Variants in PTPRD observed in about 807,000 individuals in gnomAD.
The protein encoded by PTPRD is protein tyrosine phosphatase receptor type D, also known as receptor-type tyrosine-protein phosphatase delta.
PTPRD carries 34 observed loss-of-function variants against 214.5 expected under a neutral mutation model. That is an observed-to-expected ratio of 0.16 (90% CI 0.12 to 0.21). PTPRD has a LOEUF of 0.21. Ranked by LOEUF, PTPRD falls within the 10% of genes least tolerant of loss-of-function variation. The probability of loss-of-function intolerance (pLI) is 1.00; values close to 1 mark genes in which losing one functional copy is unlikely to be tolerated. For missense variants in PTPRD, 2,545 were observed against 2,398.7 expected (o/e 1.06, Z -1.27); for synonymous variants, 1,128 against 845.7 (o/e 1.33, Z -5.79).
chr9:10,105,367 A>G (rs1334569350), intron 3 of PTPRD, among the ~76,000 whole-genome samples: 1 of 151,836 alleles, frequency 6.6e-6, no homozygotes, highest in African/African-American at 2.4e-5. Flanking sequence ...CTGCAACATA[A>G]TTTTTAATAA....
At chr9:9,090,902 C>G (rs1358016129) in intron 10 of PTPRD, 10 of 1,401,568 alleles carry the variant, frequency 7.1e-6, no homozygotes, top group Non-Finnish European at 1.0e-5. Flanking sequence ...TCCAAGATGA[C>G]AAAGAAAAGA....
rs553893067 is a variant in PTPRD, at chr9:9,533,904, C to T, written c.-237+40828G>A. 2.1e-4 allele frequency among the ~76,000 whole-genome samples: 32 copies of T among 152,080 alleles called. 1 individual carries two copies. The highest frequency in any genetic ancestry group is 7.0e-4 in the African/African-American group (29 of 41,516). On this transcript the variant is annotated intron_variant, in intron 8 of 45. Coordinates refer to ENST00000381196, the MANE Select transcript of PTPRD (RefSeq NM_002839.4). ...TTAAAATATACTTTTCCATATTTATCTCCTTTTTACTGTATCCTTACTTAA... is the reference window on the plus strand; with the variant it reads ...TTAAAATATACTTTTCCATATTTATTTCCTTTTTACTGTATCCTTACTTAA...
At chr9:9,394,121 T>G (rs10977717) in intron 9 of PTPRD, among the ~76,000 whole-genome samples, 41,871 of 152,060 alleles carry the variant, frequency 0.28, 5,925 homozygotes, top group African/African-American at 0.32. Flanking sequence ...GTAATAAAAA[T>G]AAGTTATTTA....
chr9:9,187,005 T>C (rs2099932052), intron 9 of PTPRD, among the ~76,000 whole-genome samples: 1 of 151,486 alleles, frequency 6.6e-6, no homozygotes, highest in Admixed American at 6.6e-5. Flanking sequence ...TAAAATATAA[T>C]AATTAAAACA....
intron 41 of PTPRD, 126 bp downstream of exon 41, chr9:8,340,964 G>T (rs1449615262): frequency 1.1e-6 from 1 of 931,468 alleles, no homozygotes; most frequent in Non-Finnish European, 1.6e-6. Context: ...AAATACCAAG[G>T]GACTAAATGA....
At chr9:10,061,712 C>A (rs417403) in intron 3 of PTPRD, among the ~76,000 whole-genome samples, 25,102 of 152,016 alleles carry the variant, frequency 0.17, 4,644 homozygotes, top group African/African-American at 0.46. Context: ...AAGAAACATT[C>A]TTTTTCACAG....
chr9:9,414,463 G>A (rs948558525), intron 8 of PTPRD, among the ~76,000 whole-genome samples: 2 of 152,170 alleles, frequency 1.3e-5, no homozygotes, highest in East Asian at 1.9e-4. Flanking sequence ...TACATTTAGG[G>A]AAGGACGGCC....
At chr9:10,297,363 T>C (rs570244125) in intron 3 of PTPRD, among the ~76,000 whole-genome samples, 1 of 152,084 alleles carries the variant, frequency 6.6e-6, no homozygotes, top group African/African-American at 2.4e-5. Flanking sequence ...TGTATATCCC[T>C]TTGCACACCA....
intron 3 of PTPRD, among the ~76,000 whole-genome samples, chr9:10,235,358 A>G (rs1818873979): frequency 6.6e-6 from 1 of 151,962 alleles, no homozygotes; most frequent in Non-Finnish European, 1.5e-5. Flanking sequence ...CTTAAAAACA[A>G]TCATCACTGT....
intron 19 of PTPRD, among the ~76,000 whole-genome samples, chr9:8,522,474 C>T (rs998914923): frequency 1.3e-5 from 2 of 152,112 alleles, no homozygotes; most frequent in African/African-American, 4.8e-5. Context: ...GGATTCCATT[C>T]AATTCATATC....
chr9:10,325,201 G>C (rs1304092932), intron 3 of PTPRD, among the ~76,000 whole-genome samples: 3 of 151,970 alleles, frequency 2.0e-5, no homozygotes, highest in African/African-American at 4.8e-5. Flanking sequence ...GTTTCAGTAA[G>C]TGTGAGGTGG....
intron 9 of PTPRD, among the ~76,000 whole-genome samples, chr9:9,202,915 T>G (rs1474510126): frequency 6.6e-6 from 1 of 152,186 alleles, no homozygotes; most frequent in East Asian, 1.9e-4. Flanking sequence ...TCTTTAGACA[T>G]GTTCTCTTCC....
At chr9:10,189,970 T>C (rs755730542) in intron 3 of PTPRD, among the ~76,000 whole-genome samples, 4 of 151,418 alleles carry the variant, frequency 2.6e-5, no homozygotes, top group African/African-American at 4.9e-5. Context: ...GATCAGAAAA[T>C]GGAGGTAAGA....
intron 2 of PTPRD, among the ~76,000 whole-genome samples, chr9:10,485,435 G>A (rs2099126359): frequency 6.6e-6 from 1 of 152,026 alleles, no homozygotes; most frequent in South Asian, 2.1e-4. Context: ...CATTGAATCT[G>A]CAGATTACTA....
At chr9:9,174,493 T>C (rs1424808461) in intron 10 of PTPRD, among the ~76,000 whole-genome samples, 1 of 152,178 alleles carries the variant, frequency 6.6e-6, no homozygotes, top group Non-Finnish European at 1.5e-5. Context: ...AATGTGTGCA[T>C]TTATCTGCCT....
chr9:9,370,866 T>A (rs1281510433), intron 9 of PTPRD, among the ~76,000 whole-genome samples: 2 of 152,154 alleles, frequency 1.3e-5, no homozygotes, highest in Admixed American at 6.5e-5. Flanking sequence ...TCTATTGAGA[T>A]AATCATGTGG....
intron 9 of PTPRD, among the ~76,000 whole-genome samples, chr9:9,376,481 G>A (rs2140101239): frequency 6.6e-6 from 1 of 152,192 alleles, no homozygotes; most frequent in South Asian, 2.1e-4. Flanking sequence ...TTAGGACTAG[G>A]AATTAAATTT....
intron 3 of PTPRD, among the ~76,000 whole-genome samples, chr9:10,279,598 T>G (rs1259555501): frequency 1.3e-5 from 2 of 152,120 alleles, no homozygotes; most frequent in Non-Finnish European, 2.9e-5. Flanking sequence ...TTACTCAAGC[T>G]ACTTTCACGT....
At chr9:9,746,109 A>T (rs1489816608) in intron 6 of PTPRD, among the ~76,000 whole-genome samples, 2 of 152,164 alleles carry the variant, frequency 1.3e-5, no homozygotes, top group Non-Finnish European at 2.9e-5. Context: ...AGTTTACTTC[A>T]GTTTGCCCAA....
Sources: allele counts gnomAD v4.1 joint callset (sites outside exome capture counted in the v4.1 genomes callset), GRCh38; gene constraint gnomAD v4.1.1; transcripts MANE v1.5; gene names NCBI Gene and HGNC (gene_info 2026-07-23, HGNC 2026-07-21).